The following SYT14 variants were observed in gnomAD, a reference collection of about 807,000 sequenced individuals.
SYT14 encodes the protein synaptotagmin 14.
A neutral mutation model predicts 74.2 loss-of-function variants in SYT14; 32 were observed. That is an observed-to-expected ratio of 0.43 (90% CI 0.33 to 0.58). The LOEUF (loss-of-function observed/expected upper bound fraction) is 0.58. SYT14 is among the 20% of genes least tolerant of loss of function. The probability of loss-of-function intolerance (pLI) is 0.05; values close to 1 mark genes in which losing one functional copy is unlikely to be tolerated. For synonymous variants in SYT14, 298 were observed against 337.7 expected (o/e 0.88, Z 1.29); for missense variants, 791 against 981.8 (o/e 0.81, Z 2.60).
At chr1:210,143,458 G>A (rs2082962155) in intron 7 of SYT14, among the ~76,000 whole-genome samples, 1 of 152,112 alleles carries the variant, frequency 6.6e-6, no homozygotes, top group African/African-American at 2.4e-5. Flanking sequence ...ATATTACACA[G>A]TTGGGAGTAT....
At chr1:210,134,106 C>T (rs945521001) in intron 7 of SYT14, among the ~76,000 whole-genome samples, 2 of 151,884 alleles carry the variant, frequency 1.3e-5, no homozygotes, top group African/African-American at 4.8e-5. Context: ...CAGTCTCATT[C>T]TGTCACCCAG....
intron 2 of SYT14, among the ~76,000 whole-genome samples, chr1:209,955,359 A>G (rs935282476): frequency 6.6e-6 from 1 of 152,240 alleles, no homozygotes; most frequent in African/African-American, 2.4e-5. Context: ...GCTAATAAAT[A>G]GCACTGTCTA....
intron 2 of SYT14, among the ~76,000 whole-genome samples, chr1:209,974,404 G>T (rs2079317868): frequency 6.6e-6 from 1 of 152,140 alleles, no homozygotes; most frequent in South Asian, 2.1e-4. Context: ...TGTAAGGAAG[G>T]GATCCAGTTT....
chr1:210,041,564 A>G (rs1274693107), intron 5 of SYT14, among the ~76,000 whole-genome samples: 1 of 152,222 alleles, frequency 6.6e-6, no homozygotes, highest in Non-Finnish European at 1.5e-5. Flanking sequence ...GATGTATAGC[A>G]TACACTAAGT....
At chr1:210,110,718 A>G (rs980731951) in intron 7 of SYT14, among the ~76,000 whole-genome samples, 2 of 152,210 alleles carry the variant, frequency 1.3e-5, no homozygotes, top group African/African-American at 2.4e-5. Context: ...TCTAATTTAA[A>G]TCATATCTTT....
chr1:210,063,713 C>G lies in SYT14; in HGVS notation c.1313-30609C>G, dbSNP rs192361586. On this transcript the variant is annotated intron_variant, in intron 5 of 9. Coordinates refer to ENST00000637265, the Ensembl canonical transcript of SYT14. Reference sequence around the variant, plus strand: ...AGATACTTCTCTTATGCCTTAACTGCTGTCTTCATTTGGCCACAGCTGGAA... The same window carrying G: ...AGATACTTCTCTTATGCCTTAACTGGTGTCTTCATTTGGCCACAGCTGGAA... Among the ~76,000 whole-genome samples the G allele has an allele frequency of 2.0e-3, 304 of 151,936 alleles. 8 individuals carry two copies. The highest frequency in any genetic ancestry group is 0.019 in the Admixed American group (296 of 15,220).
chr1:210,149,140 A>G (rs2083105882), intron 7 of SYT14, among the ~76,000 whole-genome samples: 2 of 151,358 alleles, frequency 1.3e-5, no homozygotes, highest in South Asian at 2.1e-4. Flanking sequence ...GTGCATATGT[A>G]TATATACATA....
chr1:210,111,170 G>T (rs538289086), intron 7 of SYT14, among the ~76,000 whole-genome samples: 1 of 152,320 alleles, frequency 6.6e-6, no homozygotes, highest in Non-Finnish European at 1.5e-5. Context: ...GTGCAGGCGG[G>T]CTGAGTCCAG....
At chr1:210,061,205 A>T (rs1448111729) in intron 5 of SYT14, among the ~76,000 whole-genome samples, 1 of 151,814 alleles carries the variant, frequency 6.6e-6, no homozygotes, top group African/African-American at 2.4e-5. Context: ...AGAGGATATT[A>T]TGTTTGGTAT....
chr1:210,026,736 CATTT>C (rs2080422068), intron 5 of SYT14, among the ~76,000 whole-genome samples: 1 of 151,596 alleles, frequency 6.6e-6, no homozygotes, highest in Admixed American at 6.6e-5. Context: ...TACCAAAATA[CATTT>C]ATTTATTCCT....
At chr1:210,006,521 AG>A (rs1176318326) in intron 2 of SYT14, among the ~76,000 whole-genome samples, 14 of 151,956 alleles carry the variant, frequency 9.2e-5, no homozygotes, top group Non-Finnish European at 1.8e-4. Context: ...TGACTTTGAT[AG>A]TTCACATTTT....
At chr1:210,127,688 A>C (rs2082594557) in intron 7 of SYT14, among the ~76,000 whole-genome samples, 1 of 152,172 alleles carries the variant, frequency 6.6e-6, no homozygotes, top group African/African-American at 2.4e-5. Flanking sequence ...TTCTCCTTTA[A>C]GTTTCTCCTC....
chr1:210,024,020 A>G (rs765130733), intron 5 of SYT14, among the ~76,000 whole-genome samples: 8 of 152,152 alleles, frequency 5.3e-5, no homozygotes, highest in Non-Finnish European at 1.0e-4. Context: ...AGTGTGATAA[A>G]ATGTAGAGAA....
At chr1:210,110,322 G>A (rs2082238306) in intron 7 of SYT14, among the ~76,000 whole-genome samples, 1 of 152,168 alleles carries the variant, frequency 6.6e-6, no homozygotes, top group Admixed American at 6.5e-5. Flanking sequence ...AAGGAACAAA[G>A]AAGAAATGTT....
chr1:210,038,328 C>G (rs928709261), intron 5 of SYT14, among the ~76,000 whole-genome samples: 4 of 152,038 alleles, frequency 2.6e-5, no homozygotes, highest in Admixed American at 2.0e-4. Flanking sequence ...AGGTGGGTTT[C>G]TTGTAAGCAG....
At chr1:209,977,940 C>T (rs2079399671) in intron 2 of SYT14, among the ~76,000 whole-genome samples, 1 of 152,166 alleles carries the variant, frequency 6.6e-6, no homozygotes, top group Admixed American at 6.5e-5. Flanking sequence ...TCTCTTCTTG[C>T]TTCATTTCAT....
intron 5 of SYT14, among the ~76,000 whole-genome samples, chr1:210,060,797 T>A (rs1357782198): frequency 6.6e-6 from 1 of 152,086 alleles, no homozygotes; most frequent in Non-Finnish European, 1.5e-5. Context: ...CTATGCATCA[T>A]TTTCTCCAGC....
At chr1:209,961,652 A>T (rs114447222) in intron 2 of SYT14, among the ~76,000 whole-genome samples, 1 of 152,134 alleles carries the variant, frequency 6.6e-6, no homozygotes, top group African/African-American at 2.4e-5. Flanking sequence ...TGGTATGTAC[A>T]TATTATTATT....
At chr1:210,089,812 G>A (rs911155342) in intron 5 of SYT14, among the ~76,000 whole-genome samples, 1 of 152,144 alleles carries the variant, frequency 6.6e-6, no homozygotes, top group African/African-American at 2.4e-5. Flanking sequence ...ACAAAGCAAC[G>A]AAAAAATCAA....
Sources: gnomAD v4.1 joint callset for allele counts (sites outside exome capture counted in the v4.1 genomes callset) on GRCh38, gnomAD v4.1.1 for gene constraint, MANE v1.5 for transcripts, NCBI Gene and HGNC (gene_info 2026-07-23, HGNC 2026-07-21) for gene names.